Variants in ITGB5 observed in about 807,000 individuals in gnomAD.
The protein encoded by ITGB5 is integrin beta-5.
In ITGB5, 38 loss-of-function variants were observed where a neutral mutation model predicts 84.8. The ratio of observed to expected loss-of-function variants is 0.45; its 90% CI spans 0.35 to 0.59. ITGB5 has a LOEUF of 0.59. Among genes scored for constraint, ITGB5 ranks in the 20% least tolerant of loss-of-function variants. The pLI, the probability that ITGB5 is intolerant of heterozygous loss-of-function variation, is 0.01. For missense variants in ITGB5, 905 were observed against 1,034.5 expected, an observed-to-expected ratio of 0.87 and a Z score of 1.72; for synonymous variants, 393 against 414.4, an observed-to-expected ratio of 0.95 and a Z score of 0.63.
At position 124,873,538 on chromosome 3, in the gene ITGB5, A is replaced by G; in HGVS notation, c.71-7T>C. 1 of 1,603,866 alleles carries G rather than the reference A, an allele frequency of 6.2e-7. No individual in the cohort carries two copies. ...CTAGTGCATATGTTGAGACCTTTAA[A>G]GCAAGATAAAGATGCACTAATTAGT... is the stretch of plus-strand genomic sequence containing the variant. On this transcript the variant is annotated splice_region_variant and splice_polypyrimidine_tract_variant and intron_variant, in intron 1 of 14. Coordinates refer to ENST00000296181, the MANE Select transcript of ITGB5 (RefSeq NM_002213.5).
intron 4 of ITGB5, among the ~76,000 whole-genome samples, chr3:124,842,121 T>TA (rs2065018984): frequency 6.6e-6 from 1 of 152,276 alleles, no homozygotes; most frequent in South Asian, 2.1e-4. Flanking sequence ...GAAAACATCT[T>TA]ATCTGCTTCT....
chr3:124,841,825 A>G (rs530021636), intron 4 of ITGB5, among the ~76,000 whole-genome samples: 3 of 152,364 alleles, frequency 2.0e-5, no homozygotes, highest in South Asian at 2.1e-4. Flanking sequence ...AGATAATAGT[A>G]GGCTACTGTG....
intron 1 of ITGB5, chr3:124,894,645 G>C (rs1038522022): frequency 6.6e-6 from 1 of 152,090 alleles, no homozygotes; most frequent in Non-Finnish European, 1.5e-5. Context: ...ATCACCTAAA[G>C]GGCATAGATT....
intron 8 of ITGB5, among the ~76,000 whole-genome samples, chr3:124,816,844 T>C (rs1305765298): frequency 6.6e-6 from 1 of 152,174 alleles, no homozygotes; most frequent in African/African-American, 2.4e-5. Context: ...TATGTTACAA[T>C]AGCACAGAAT....
chr3:124,771,790 G>A (rs77436852), intron 11 of ITGB5, among the ~76,000 whole-genome samples: 6,989 of 149,348 alleles, frequency 0.047, 388 homozygotes, highest in African/African-American at 0.13. Context: ...TTCCCTTGTG[G>A]CATCTCTTTG....
chr3:124,819,310 C>A (rs189964237), intron 7 of ITGB5, among the ~76,000 whole-genome samples: 6 of 152,192 alleles, frequency 3.9e-5, no homozygotes, highest in Admixed American at 1.3e-4. Flanking sequence ...GGAATTTCTG[C>A]GCCAGACTAG....
chr3:124,796,345 C>A, intron 10 of ITGB5, 43 bp downstream of exon 10: 1 of 1,544,532 alleles, frequency 6.5e-7, no homozygotes, highest in Non-Finnish European at 8.8e-7. Flanking sequence ...CTAACGGCAT[C>A]TTGGCCTGGC....
At chr3:124,876,646 A>G (rs1934331199) in intron 1 of ITGB5, among the ~76,000 whole-genome samples, 1 of 152,234 alleles carries the variant, frequency 6.6e-6, no homozygotes, top group African/African-American at 2.4e-5. Flanking sequence ...GAAGAAAGGA[A>G]GAGAGGCTTT....
intron 5 of ITGB5, among the ~76,000 whole-genome samples, chr3:124,834,114 G>A (rs2064895274): frequency 6.6e-6 from 1 of 152,124 alleles, no homozygotes; most frequent in Non-Finnish European, 1.5e-5. Context: ...TCCGGGGCAG[G>A]GAAGCTACTC....
intron 10 of ITGB5, among the ~76,000 whole-genome samples, chr3:124,775,317 T>A (rs1199532296): frequency 6.6e-6 from 1 of 151,940 alleles, no homozygotes; most frequent in Non-Finnish European, 1.5e-5. Context: ...TGTACAAGTG[T>A]GAGTGTATGT....
intron 8 of ITGB5, among the ~76,000 whole-genome samples, chr3:124,810,492 G>T (rs2064481934): frequency 6.6e-6 from 1 of 152,120 alleles, no homozygotes; most frequent in African/African-American, 2.4e-5. Context: ...TAGCTACTCA[G>T]GGGGCTGAGG....
At chr3:124,883,574 A>G (rs1191149665) in intron 1 of ITGB5, among the ~76,000 whole-genome samples, 1 of 152,216 alleles carries the variant, frequency 6.6e-6, no homozygotes, top group African/African-American at 2.4e-5. Context: ...ATCACAGACC[A>G]CAGGAAATGT....
In ITGB5 at chr3:124,794,211, A is replaced by T. The variant is rs115770471; in HGVS notation, c.1693+2177T>A. 9.7e-3 allele frequency among the ~76,000 whole-genome samples: 1,484 copies of T among 152,290 alleles called. 13 individuals carry two copies. The highest frequency in any genetic ancestry group is 0.014 in the Admixed American group (215 of 15,300). On this transcript the variant is annotated intron_variant, in intron 10 of 14. Coordinates refer to ENST00000296181, the MANE Select transcript of ITGB5 (RefSeq NM_002213.5). ...TAAAACTGTTTTACTTACTACCTTT[A>T]CAGGTGGCATGGTGTTAGATAAACT...
At chr3:124,812,107 C>T (rs529008185) in intron 8 of ITGB5, among the ~76,000 whole-genome samples, 31 of 152,360 alleles carry the variant, frequency 2.0e-4, no homozygotes, top group African/African-American at 6.3e-4. Flanking sequence ...GTTTTGCTCA[C>T]TATTTTATTT....
chr3:124,894,975 A>T (rs1449524913), intron 1 of ITGB5, among the ~76,000 whole-genome samples: 3 of 147,290 alleles, frequency 2.0e-5, no homozygotes, highest in Non-Finnish European at 3.0e-5. Flanking sequence ...AAAGTTTACG[A>T]ATTTGTGTTG....
chr3:124,770,557 G>A (rs1025626186), intron 11 of ITGB5, among the ~76,000 whole-genome samples: 3 of 152,220 alleles, frequency 2.0e-5, no homozygotes, highest in African/African-American at 7.2e-5. Flanking sequence ...CAGAAACTGC[G>A]AAGTGGAGGA....
intron 9 of ITGB5, among the ~76,000 whole-genome samples, chr3:124,799,770 G>C (rs371775165): frequency 2.0e-5 from 3 of 152,312 alleles, no homozygotes; most frequent in East Asian, 3.9e-4. Context: ...CAGGCCTAGA[G>C]CAGGGCCCGC....
chr3:124,792,791 G>A (rs892692994), intron 10 of ITGB5: 4 of 152,182 alleles, frequency 2.6e-5, no homozygotes, highest in African/African-American at 9.7e-5. Context: ...AAGAGATAGA[G>A]CACCAGGGGT....
chr3:124,793,958 C>T (rs2064185166), intron 10 of ITGB5, among the ~76,000 whole-genome samples: 2 of 152,244 alleles, frequency 1.3e-5, no homozygotes, highest in Admixed American at 6.5e-5. Context: ...GGAAGCTTCC[C>T]TTGTTAACCC....
Sources: gnomAD v4.1 joint callset for allele counts (sites outside exome capture counted in the v4.1 genomes callset) on GRCh38, gnomAD v4.1.1 for gene constraint, MANE v1.5 for transcripts, NCBI Gene and HGNC (gene_info 2026-07-23, HGNC 2026-07-21) for gene names.